MAGI2: variants seen among roughly 807,000 people sequenced by gnomAD.
MAGI2 encodes the protein membrane-associated guanylate kinase, WW and PDZ domain-containing protein 2.
Under a neutral mutation model 133.3 loss-of-function variants are expected in MAGI2, and 35 were observed. The ratio of observed to expected loss-of-function variants is 0.26; its 90% confidence interval spans 0.20 to 0.35. The LOEUF is 0.35. MAGI2 is among the 10% of genes least tolerant of loss of function. The pLI, the probability that MAGI2 is intolerant of heterozygous loss-of-function variation, is 1.00. For missense variants in MAGI2, 1,636 were observed against 1,863.4 expected (o/e 0.88, Z 2.25); for synonymous variants, 729 against 710.6 (o/e 1.03, Z -0.41).
In MAGI2 at chr7:78,520,606, C is replaced by G. The variant is rs1250871807; in HGVS notation, c.754+824G>C. Among the ~76,000 whole-genome samples, 3 of 151,970 alleles carry G rather than the reference C, an allele frequency of 2.0e-5. No individual in the cohort carries two copies. In the East Asian group the frequency reaches 5.8e-4, roughly 29 times the overall value. ...TAAATAATAAAATGAAATTTTGGAACCTTACTCCAAGAGGCTACCAAAATG... is the reference window on the plus strand; with the variant it reads ...TAAATAATAAAATGAAATTTTGGAAGCTTACTCCAAGAGGCTACCAAAATG... On this transcript the variant is annotated intron_variant, in intron 4 of 21. Coordinates refer to ENST00000354212, the MANE Select transcript of MAGI2 (RefSeq NM_012301.4).
At chr7:78,078,333 C>A in intron 21 of MAGI2, 1 of 153,936 alleles carries the variant, frequency 6.5e-6, no homozygotes, top group Non-Finnish European at 1.4e-5. Context: ...GAAACAACAA[C>A]TTTAAAGATG....
At chr7:78,165,914 A>G (rs1825575725) in intron 15 of MAGI2, among the ~76,000 whole-genome samples, 1 of 152,206 alleles carries the variant, frequency 6.6e-6, no homozygotes, top group Admixed American at 6.5e-5. Flanking sequence ...TCAAGGCATT[A>G]CTTTGCTATC....
At chr7:78,315,875 C>A (rs1351449849) in intron 9 of MAGI2, among the ~76,000 whole-genome samples, 1 of 152,134 alleles carries the variant, frequency 6.6e-6, no homozygotes, top group Non-Finnish European at 1.5e-5. Flanking sequence ...CTTTGTCTCT[C>A]GGTCATTTTC....
intron 20 of MAGI2, among the ~76,000 whole-genome samples, chr7:78,109,213 A>G (rs934560416): frequency 2.2e-5 from 3 of 137,900 alleles, no homozygotes; most frequent in African/African-American, 5.3e-5. Flanking sequence ...CTGAGGCAGG[A>G]GAATGGCGCG....
chr7:78,483,932 T>C (rs2150470150), intron 6 of MAGI2, among the ~76,000 whole-genome samples: 1 of 152,078 alleles, frequency 6.6e-6, no homozygotes, highest in East Asian at 1.9e-4. Flanking sequence ...GAGGAAAGAT[T>C]CCAAGGTGCT....
At chr7:78,653,986 A>G (rs1811865235) in intron 2 of MAGI2, among the ~76,000 whole-genome samples, 1 of 152,218 alleles carries the variant, frequency 6.6e-6, no homozygotes, top group Non-Finnish European at 1.5e-5. Context: ...CCTTACAGTG[A>G]TACCCTGAAA....
At chr7:78,402,884 AC>A (rs1797019238) in intron 6 of MAGI2, among the ~76,000 whole-genome samples, 2 of 152,216 alleles carry the variant, frequency 1.3e-5, no homozygotes, top group Admixed American at 6.5e-5. Context: ...ATGAGAAAAT[AC>A]CATTAAAGGC....
intron 2 of MAGI2, among the ~76,000 whole-genome samples, chr7:78,696,699 C>T (rs1196921268): frequency 1.3e-5 from 2 of 151,900 alleles, no homozygotes; most frequent in Admixed American, 1.3e-4. Flanking sequence ...AAAAGATTGT[C>T]AGTTTTCTGA....
At chr7:79,406,697 T>G (rs991592425) in intron 1 of MAGI2, among the ~76,000 whole-genome samples, 4 of 152,150 alleles carry the variant, frequency 2.6e-5, no homozygotes, top group Non-Finnish European at 4.4e-5. Context: ...ATCTCCTATA[T>G]TCGTCTTTAT....
chr7:78,575,600 G>GA (rs1802188498), intron 3 of MAGI2, among the ~76,000 whole-genome samples: 1 of 152,068 alleles, frequency 6.6e-6, no homozygotes, highest in African/African-American at 2.4e-5. Context: ...GCTTAATATC[G>GA]ATAGTGATAA....
intron 2 of MAGI2, among the ~76,000 whole-genome samples, chr7:78,689,084 C>T (rs536916241): frequency 8.5e-5 from 13 of 152,270 alleles, no homozygotes; most frequent in Non-Finnish European, 1.6e-4. Flanking sequence ...AATATTCTTT[C>T]GCTTTGGTCT....
At chr7:78,739,583 A>T (rs1822196586) in intron 2 of MAGI2, among the ~76,000 whole-genome samples, 1 of 152,204 alleles carries the variant, frequency 6.6e-6, no homozygotes, top group Non-Finnish European at 1.5e-5. Context: ...CACTACCTCT[A>T]ACAAAAATAG....
intron 2 of MAGI2, among the ~76,000 whole-genome samples, chr7:78,727,431 A>G (rs1043324203): frequency 6.6e-6 from 1 of 152,228 alleles, no homozygotes; most frequent in African/African-American, 2.4e-5. Flanking sequence ...ACAAAATGTA[A>G]TATGATCCTA....
At chr7:78,037,418 A>G (rs1810346271) in intron 21 of MAGI2, among the ~76,000 whole-genome samples, 1 of 152,214 alleles carries the variant, frequency 6.6e-6, no homozygotes, top group African/African-American at 2.4e-5. Context: ...ATTTGGAACC[A>G]TCTGAGCCCT....
At chr7:79,135,593 T>C (rs1292532519) in intron 1 of MAGI2, among the ~76,000 whole-genome samples, 1 of 152,146 alleles carries the variant, frequency 6.6e-6, no homozygotes, top group East Asian at 1.9e-4. Flanking sequence ...TGCTAGCCCC[T>C]TGACATCTTC....
chr7:78,827,450 G>GA (rs1790763598), intron 2 of MAGI2, among the ~76,000 whole-genome samples: 1 of 120,668 alleles, frequency 8.3e-6, no homozygotes, highest in Non-Finnish European at 1.9e-5. Context: ...TGTTAATTTT[G>GA]AATTTTTTGT....
chr7:79,109,594 G>A (rs1423110972), intron 1 of MAGI2, among the ~76,000 whole-genome samples: 1 of 152,198 alleles, frequency 6.6e-6, no homozygotes, highest in Non-Finnish European at 1.5e-5. Context: ...TAAACAGGAA[G>A]CAGAGCAAAA....
Position 79,271,965 on chromosome 7 carries a change from G to T in MAGI2, c.301+181055C>A, listed in dbSNP as rs78804709. Among the ~76,000 whole-genome samples the T allele has an allele frequency of 5.7e-3, 870 of 152,138 alleles. 6 individuals carry two copies. Among genetic ancestry groups the T allele is most frequent in the African/African-American group, 0.02 (825 of 41,510 alleles). ...AATGCTTTTTTGGACATTTTAATGA[G>T]AACCACACTGGTTTAATGTCTAGGT... is the stretch of plus-strand genomic sequence containing the variant. On this transcript the variant is annotated intron_variant, in intron 1 of 21. Coordinates refer to ENST00000354212, the MANE Select transcript of MAGI2 (RefSeq NM_012301.4).
At chr7:79,361,334 G>A (rs995807409) in intron 1 of MAGI2, among the ~76,000 whole-genome samples, 1 of 152,114 alleles carries the variant, frequency 6.6e-6, no homozygotes, top group Non-Finnish European at 1.5e-5. Context: ...TGATATGGAA[G>A]GAGGGAAGGG....
Sources: allele counts gnomAD v4.1 joint callset (sites outside exome capture counted in the v4.1 genomes callset), GRCh38; gene constraint gnomAD v4.1.1; transcripts MANE v1.5; gene names NCBI Gene and HGNC (gene_info 2026-07-23, HGNC 2026-07-21).